The following NIBAN3 variants were observed in gnomAD, a reference collection of about 807,000 sequenced individuals.
NIBAN3 encodes protein Niban 3.
In NIBAN3, 66 loss-of-function variants were observed where a neutral mutation model predicts 76.4. The ratio of observed to expected loss-of-function variants is 0.86; its 90% CI spans 0.71 to 1.06. The LOEUF is 1.06. NIBAN3 is among the 50% of genes least tolerant of loss of function. The pLI, the probability that NIBAN3 is intolerant of heterozygous loss-of-function variation, is 0.00. For missense variants in NIBAN3, 808 were observed against 810.7 expected (o/e 1.00, Z 0.04); for synonymous variants, 360 against 355.2 (o/e 1.01, Z -0.15).
chr19:17,537,507 C>G lies in NIBAN3; in HGVS notation c.559C>G (p.Leu187Val), dbSNP rs758457771. The change falls in exon 5 of 15, where the codon CTG becomes GTG. Residue 187 changes from leucine to valine, a missense_variant. Physicochemically the swap from Leu to Val is conservative, Grantham distance 32. Transcript: ENST00000599164. ...CAGGGAGGCACAGCATGCCTGGAGG[C>G]TGGCCCTGCAGGGTGGCATCCGGCT... ...ATREAQHAWR[L>V]ALQGGIRLQG... 14 of 1,610,164 alleles carry G rather than the reference C, an allele frequency of 8.7e-6. No individual in the cohort carries two copies. The African/African-American group carries it at 1.2e-4, about 14-fold the overall frequency.
At chr19:17,532,149 T>A in intron 2 of NIBAN3, 114 bp from the exon 3 acceptor site, 1 of 1,332,900 alleles carries the variant, frequency 7.5e-7, no homozygotes. Context: ...CTGTCCAGCC[T>A]GGGGCATCAC....
chr19:17,537,281 C>T, intron 4 of NIBAN3, 95 bp from the exon 5 acceptor site: 2 of 1,233,966 alleles, frequency 1.6e-6, no homozygotes, highest in Non-Finnish European at 2.3e-6. Context: ...ATTTATCGAG[C>T]AACTGCCCAT....
At chr19:17,550,803 A>G (rs1318422589) in intron 14 of NIBAN3, among the ~76,000 whole-genome samples, 1 of 149,848 alleles carries the variant, frequency 6.7e-6, no homozygotes, top group Non-Finnish European at 1.5e-5. Context: ...CTAGTCTTCC[A>G]TACTAACAGC....
At chr19:17,523,538 C>G (rs1037384515), upstream of NIBAN3, 5 of 1,233,852 alleles carry the variant, frequency 4.1e-6, no homozygotes, top group African/African-American at 7.6e-5. Context: ...GCCCCCAGAG[C>G]GGCAGGCACG....
rs1184134074 is a variant in NIBAN3, at chr19:17,527,449, C to T, written c.55+54C>T. The T allele has an allele frequency of 2.0e-5, 29 of 1,466,394 alleles. 1 individual carries two copies. Among genetic ancestry groups the T allele is most frequent in the South Asian group, 2.8e-5 (2 of 72,464 alleles). 90.8% of individuals were successfully genotyped at this position (1,466,394 alleles called of 1,614,324 possible). A position where few individuals can be genotyped will look rare whatever the true frequency, so the allele number is the denominator to read the frequency against. On this transcript the variant is annotated intron_variant, in intron 1 of 14. Coordinates refer to ENST00000599164, the MANE Select transcript of NIBAN3 (RefSeq NM_001321827.2). ...GAGTCCAGGTGGGTGGGGGCTCCAG[C>T]CATTGGGTCCACATGCTCCATGCAG... is the stretch of plus-strand genomic sequence containing the variant.
At chr19:17,525,733 G>T (rs549085652), upstream of NIBAN3, among the ~76,000 whole-genome samples, 4 of 152,284 alleles carry the variant, frequency 2.6e-5, no homozygotes, top group African/African-American at 9.6e-5. Context: ...CTTTCCCAAA[G>T]GGCAATGGGA....
chr19:17,539,248 C>G lies in NIBAN3; in HGVS notation c.694C>G (p.Leu232Val). The G allele has an allele frequency of 6.2e-7, 1 of 1,605,730 alleles. No individual in the cohort carries two copies. The highest frequency in any genetic ancestry group is 8.5e-7 in the Non-Finnish European group (1 of 1,176,422). ...QGHFGDDDVT[L>V]GSDAEVLTAV... ...CCACTTTGGCGACGACGACGTGACC[C>G]TAGGCTCAGACGCCGAGGTTAGTGC... Residue 232 changes from leucine (L) to valine (V), a missense_variant, in exon 6 of 15, where the codon CTA becomes GTA. Coordinates refer to ENST00000599164, the MANE Select transcript of NIBAN3 (RefSeq NM_001321827.2).
chr19:17,553,572 T>C lies in NIBAN3; in HGVS notation c.*1674T>C. The C allele has an allele frequency of 6.2e-7, 1 of 1,611,310 alleles. No homozygotes were observed. The highest frequency in any genetic ancestry group is 8.5e-7 in the Non-Finnish European group (1 of 1,177,422). On this transcript the variant is annotated 3_prime_UTR_variant, in exon 15 of 15. Coordinates refer to ENST00000599164, the MANE Select transcript of NIBAN3 (RefSeq NM_001321827.2). ...CTACCCCAAGACAATGAGATATTCC[T>C]GACCTTTCCACCTATTTCCCTCCAA...
chr19:17,534,525 C>A (rs2075788678), intron 4 of NIBAN3, among the ~76,000 whole-genome samples: 1 of 152,168 alleles, frequency 6.6e-6, no homozygotes, highest in South Asian at 2.1e-4. Context: ...GGCGTGGTGG[C>A]TCACGCCTGT....
rs570562584 is a variant in NIBAN3 at position 17,537,505 on chromosome 19, G to A, written c.557G>A (p.Arg186Lys). Residue 186 changes from arginine to lysine, a missense_variant, in exon 5 of 15, where the codon AGG (arginine) becomes AAG (lysine). Physicochemically the swap from Arg to Lys is conservative, Grantham distance 26. Coordinates refer to ENST00000599164, the MANE Select transcript of NIBAN3 (RefSeq NM_001321827.2). ...AATREAQHAW[R>K]LALQGGIRLQ... ...ACCAGGGAGGCACAGCATGCCTGGAGGCTGGCCCTGCAGGGTGGCATCCGG... is the reference window on the plus strand; with the variant it reads ...ACCAGGGAGGCACAGCATGCCTGGAAGCTGGCCCTGCAGGGTGGCATCCGG... 1.9e-6 allele frequency: 3 copies of A among 1,610,664 alleles called. No individual in the cohort carries two copies. The East Asian group carries it at 6.7e-5, about 36-fold the overall frequency.
intron 9 of NIBAN3, among the ~76,000 whole-genome samples, chr19:17,541,256 TACATACATAC>T (rs2075947548): frequency 6.6e-6 from 1 of 151,876 alleles, no homozygotes; most frequent in African/African-American, 2.4e-5. Context: ...CATACATACA[TACATACATAC>T]ATACATAGAA....
intron 12 of NIBAN3, among the ~76,000 whole-genome samples, chr19:17,544,686 G>C (rs1034667978): frequency 6.6e-6 from 1 of 152,220 alleles, no homozygotes; most frequent in African/African-American, 2.4e-5. Flanking sequence ...GAGTGGAAGA[G>C]TGGGAAGGAG....
intron 1 of NIBAN3, among the ~76,000 whole-genome samples, chr19:17,529,992 T>C (rs1242105102): frequency 6.6e-6 from 1 of 150,728 alleles, no homozygotes; most frequent in Non-Finnish European, 1.5e-5. Flanking sequence ...GCCCAGGAGG[T>C]CAAGGCTGCA....
At chr19:17,546,526 A>G in intron 12 of NIBAN3, 160 bp from the exon 13 acceptor site, 3 of 1,226,524 alleles carry the variant, frequency 2.4e-6, no homozygotes, top group Non-Finnish European at 3.1e-6. Flanking sequence ...GTTTATTTTA[A>G]AATAAAAATA....
chr19:17,546,416 C>A, intron 12 of NIBAN3: 1 of 345,980 alleles, frequency 2.9e-6, no homozygotes, highest in Non-Finnish European at 4.2e-6. Context: ...GTGGTTTCAC[C>A]ATGTTGGTCA....
intron 5 of NIBAN3, among the ~76,000 whole-genome samples, chr19:17,538,799 G>C (rs2075878137): frequency 1.3e-5 from 2 of 151,754 alleles, no homozygotes; most frequent in African/African-American, 4.8e-5. Flanking sequence ...AGGGAGGAAG[G>C]GAAAGAGAGA....
chr19:17,531,113 A>C (rs1458225820), intron 2 of NIBAN3, among the ~76,000 whole-genome samples: 1 of 152,086 alleles, frequency 6.6e-6, no homozygotes, highest in East Asian at 1.9e-4. Flanking sequence ...CAAGAGTTCA[A>C]GACCAGCCTC....
chr19:17,532,930 A>G (rs1354762074), intron 3 of NIBAN3, among the ~76,000 whole-genome samples: 3 of 151,608 alleles, frequency 2.0e-5, no homozygotes, highest in Non-Finnish European at 4.4e-5. Context: ...GAAGGGAGAA[A>G]GTTATGGGGG....
At chr19:17,524,080 T>C (rs1165028053), upstream of NIBAN3, among the ~76,000 whole-genome samples, 1 of 151,998 alleles carries the variant, frequency 6.6e-6, no homozygotes, top group Non-Finnish European at 1.5e-5. Flanking sequence ...GTAGAAACAT[T>C]GAGTTTCACC....
Sources: gnomAD v4.1 joint callset for allele counts (sites outside exome capture counted in the v4.1 genomes callset) on GRCh38, gnomAD v4.1.1 for gene constraint, MANE v1.5 for transcripts, NCBI Gene and HGNC (gene_info 2026-07-23, HGNC 2026-07-21) for gene names.